Variants in RPS6KA2 observed in about 807,000 individuals in gnomAD.
RPS6KA2 encodes the protein ribosomal protein S6 kinase alpha-2.
Under a neutral mutation model 91.8 loss-of-function variants are expected in RPS6KA2, and 42 were observed. That is an observed-to-expected ratio of 0.46 (90% CI 0.36 to 0.59). The LOEUF (loss-of-function observed/expected upper bound fraction) is 0.59. Ranked by LOEUF, RPS6KA2 falls within the 20% of genes least tolerant of loss-of-function variation. The probability of loss-of-function intolerance (pLI) is 0.00; values close to 1 mark genes in which losing one functional copy is unlikely to be tolerated. For synonymous variants in RPS6KA2, 414 were observed against 393.6 expected, an observed-to-expected ratio of 1.05 and a Z score of -0.61; for missense variants, 798 against 978.5, an observed-to-expected ratio of 0.82 and a Z score of 2.46.
intron 1 of RPS6KA2, among the ~76,000 whole-genome samples, chr6:166,547,621 C>A (rs1352480975): frequency 6.6e-6 from 1 of 152,234 alleles, no homozygotes; most frequent in Non-Finnish European, 1.5e-5. Flanking sequence ...TTCCGGCAGG[C>A]AGAGTGATGG....
chr6:166,671,500 TCCA>T (rs1226154885), intron 2 of RPS6KA2, among the ~76,000 whole-genome samples: 1 of 152,014 alleles, frequency 6.6e-6, no homozygotes, highest in Non-Finnish European at 1.5e-5. Flanking sequence ...GGGGAGCCGC[TCCA>T]CCACACGACT....
chr6:166,499,286 G>C (rs902331371), intron 7 of RPS6KA2, among the ~76,000 whole-genome samples: 3 of 152,258 alleles, frequency 2.0e-5, no homozygotes, highest in Non-Finnish European at 4.4e-5. Context: ...AAGTCTTGGG[G>C]ATGACAGAGC....
At chr6:166,677,885 T>C (rs1788664123) in intron 2 of RPS6KA2, among the ~76,000 whole-genome samples, 2 of 152,328 alleles carry the variant, frequency 1.3e-5, no homozygotes, top group Non-Finnish European at 1.5e-5. Flanking sequence ...ATTCTTTGCT[T>C]CCACATGTGC....
intron 2 of RPS6KA2, among the ~76,000 whole-genome samples, chr6:166,538,459 C>T (rs528846014): frequency 7.2e-5 from 11 of 152,302 alleles, no homozygotes; most frequent in South Asian, 2.1e-4. Context: ...ACGGCTCCAA[C>T]GGCATTTTGT....
chr6:166,534,908 A>G (rs1029643338), intron 2 of RPS6KA2, among the ~76,000 whole-genome samples: 35 of 152,198 alleles, frequency 2.3e-4, no homozygotes, highest in African/African-American at 8.4e-4. Flanking sequence ...ATACAGCAAA[A>G]ATGCAAAAAT....
intron 2 of RPS6KA2, among the ~76,000 whole-genome samples, chr6:166,711,524 G>T (rs1445255856): frequency 1.3e-5 from 2 of 151,532 alleles, no homozygotes; most frequent in Non-Finnish European, 2.9e-5. Flanking sequence ...AAAACCAATG[G>T]AGAAACAGAG....
At chr6:166,674,881 C>T (rs1788574802) in intron 2 of RPS6KA2, among the ~76,000 whole-genome samples, 1 of 152,202 alleles carries the variant, frequency 6.6e-6, no homozygotes, top group African/African-American at 2.4e-5. Context: ...GTTGGCCAGG[C>T]TGGTCTCTAA....
intron 1 of RPS6KA2, among the ~76,000 whole-genome samples, chr6:166,570,895 T>C (rs927637298): frequency 6.6e-6 from 1 of 152,250 alleles, no homozygotes; most frequent in Non-Finnish European, 1.5e-5. Context: ...CTCTTCACTG[T>C]AATAGTGTTT....
At chr6:166,522,259 A>G (rs1053180435) in intron 3 of RPS6KA2, among the ~76,000 whole-genome samples, 1 of 152,256 alleles carries the variant, frequency 6.6e-6, no homozygotes, top group Non-Finnish European at 1.5e-5. Context: ...ATTAAATTAA[A>G]TGCAATTCTG....
chr6:166,816,757 T>A (rs1779776541), intron 2 of RPS6KA2, among the ~76,000 whole-genome samples: 1 of 152,060 alleles, frequency 6.6e-6, no homozygotes, highest in South Asian at 2.1e-4. Flanking sequence ...TCTCAGGAGG[T>A]TGTTGTCAAC....
chr6:166,429,415 T>C (rs1028236942), intron 16 of RPS6KA2, among the ~76,000 whole-genome samples: 3 of 152,014 alleles, frequency 2.0e-5, no homozygotes, highest in Admixed American at 6.6e-5. Context: ...TGTGCACATG[T>C]ACCTAAAACT....
At position 166,648,266 on chromosome 6, in the gene RPS6KA2, TCATACACACGCATGCACACAGTATG is replaced by T. The variant is rs1187868113; in HGVS notation, c.124-109507_124-109483del. On this transcript the variant is annotated intron_variant, in intron 2 of 21. Transcript: ENST00000503859. This position sits in a 1 kb window ranked among gnomAD's most constrained non-coding sequence, Gnocchi z 4.8. ...TTCACACAGGCACACACACTCATGT[TCATACACACGCATGCACACAGTATG>T]CACACACACGCATGTATACACATGC... Among the ~76,000 whole-genome samples, 1 of 151,432 alleles carries T rather than the reference TCATACACACGCATGCACACAGTATG, an allele frequency of 6.6e-6. No individual in the cohort carries two copies. Among genetic ancestry groups the T allele is most frequent in the African/African-American group, 2.4e-5 (1 of 41,186 alleles).
rs377744204 is a variant in RPS6KA2 at position 166,849,706 on chromosome 6, G to A, written c.123+8494C>T. On this transcript the variant is annotated intron_variant, in intron 2 of 21. Coordinates refer to the RPS6KA2 transcript ENST00000503859. This position sits in a 1 kb window ranked among gnomAD's most constrained non-coding sequence, Gnocchi z 4.9. Reference sequence around the variant, plus strand: ...TGAGCTTTCCCAACACAGGAGCTGCGTCCTATGCATACTCAGTCCCATGTG... The same window carrying A: ...TGAGCTTTCCCAACACAGGAGCTGCATCCTATGCATACTCAGTCCCATGTG... 2.6e-5 allele frequency among the ~76,000 whole-genome samples: 4 copies of A among 152,344 alleles called. No individual in the cohort carries two copies. The highest frequency in any genetic ancestry group is 4.8e-5 in the African/African-American group (2 of 41,576).
Position 166,409,760 on chromosome 6 carries a change from A to G in RPS6KA2, c.*3002T>C, listed in dbSNP as rs1778241296. ...TCAGAAATGAACGGAGTGCAAATCA[A>G]ACTTTGCCATGTGCTTGAGAGAATC... is the stretch of plus-strand genomic sequence containing the variant. On this transcript the variant is annotated 3_prime_UTR_variant, in exon 21 of 21. Coordinates refer to ENST00000265678, the MANE Select transcript of RPS6KA2 (RefSeq NM_021135.6). 1 of 152,654 alleles carries G rather than the reference A, an allele frequency of 6.6e-6. No homozygotes were observed. The highest frequency in any genetic ancestry group is 2.4e-5 in the African/African-American group (1 of 41,464). The allele number at this position is 152,654 out of a possible 1,614,324, so 9.5% of individuals were successfully genotyped here.
chr6:166,727,523 C>T (rs912080459), intron 2 of RPS6KA2, among the ~76,000 whole-genome samples: 10 of 151,968 alleles, frequency 6.6e-5, no homozygotes, highest in African/African-American at 2.4e-4. Context: ...CTGTAATGTG[C>T]CAGCACCCTA....
At chr6:166,856,419 TC>T (rs1276592105) in intron 2 of RPS6KA2, among the ~76,000 whole-genome samples, 1 of 152,202 alleles carries the variant, frequency 6.6e-6, no homozygotes, top group Non-Finnish European at 1.5e-5. Context: ...ATTGTGGACT[TC>T]CCAGCCTCCA....
At chr6:166,727,319 A>AACACACACAC (rs10541160) in intron 2 of RPS6KA2, among the ~76,000 whole-genome samples, 6 of 146,642 alleles carry the variant, frequency 4.1e-5, no homozygotes, top group African/African-American at 1.5e-4. Flanking sequence ...TAAACAAACA[A>AACACACACAC]ACACACACAC....
intron 14 of RPS6KA2, among the ~76,000 whole-genome samples, chr6:166,441,628 C>A (rs914028239): frequency 1.8e-4 from 27 of 152,340 alleles, no homozygotes; most frequent in South Asian, 1.7e-3. Context: ...CACAAGCTCC[C>A]CTGAGTCCTC....
chr6:166,478,096 C>A (rs965057392), intron 10 of RPS6KA2, among the ~76,000 whole-genome samples: 2 of 152,226 alleles, frequency 1.3e-5, no homozygotes, highest in African/African-American at 4.8e-5. Flanking sequence ...GCACAGCAAA[C>A]CCTCACGCAT....
Sources: gnomAD v4.1 joint callset for allele counts (sites outside exome capture counted in the v4.1 genomes callset) on GRCh38, gnomAD v4.1.1 for gene constraint, Gnocchi (gnomAD v3.1) non-coding constraint, MANE v1.5 for transcripts, NCBI Gene and HGNC (gene_info 2026-07-23, HGNC 2026-07-21) for gene names.